Variants in MACROD2 observed in about 807,000 individuals in gnomAD.
MACROD2 encodes the protein mono-ADP ribosylhydrolase 2.
Under a neutral mutation model 70.4 loss-of-function variants are expected in MACROD2, and 36 were observed. The observed-to-expected ratio is 0.51, with a 90% CI of 0.39 to 0.68. The LOEUF (loss-of-function observed/expected upper bound fraction) is 0.68, where lower values mean the gene tolerates loss of function less well. MACROD2 is among the 30% of genes least tolerant of loss of function. The pLI is 0.00. For synonymous variants in MACROD2, 172 were observed against 178.8 expected (o/e 0.96, Z 0.30); for missense variants, 496 against 538.4 (o/e 0.92, Z 0.78).
intron 3 of MACROD2, among the ~76,000 whole-genome samples, chr20:14,199,852 G>C (rs913059957): frequency 6.6e-6 from 1 of 152,122 alleles, no homozygotes; most frequent in Admixed American, 6.5e-5. Flanking sequence ...ATACAGGGAA[G>C]GTAAGTGGAC....
chr20:15,705,249 A>G (rs2050516006), intron 8 of MACROD2, among the ~76,000 whole-genome samples: 1 of 152,190 alleles, frequency 6.6e-6, no homozygotes, highest in African/African-American at 2.4e-5. Flanking sequence ...TATCATGCCC[A>G]GGTAACATGT....
chr20:15,417,324 T>G (rs1433348514), intron 6 of MACROD2, among the ~76,000 whole-genome samples: 1 of 144,190 alleles, frequency 6.9e-6, no homozygotes, highest in Non-Finnish European at 1.5e-5. Flanking sequence ...GATATGGGGG[T>G]TCACGCTTGT....
At position 15,133,629 on chromosome 20, in the gene MACROD2, T is replaced by A. The variant is rs190909263; in HGVS notation, c.419-96311T>A. Among the ~76,000 whole-genome samples the A allele has an allele frequency of 2.0e-3, 310 of 152,224 alleles. 3 individuals carry two copies. Among genetic ancestry groups the A allele is most frequent in the Middle Eastern group, 6.8e-3 (2 of 292 alleles). On this transcript the variant is annotated intron_variant, in intron 5 of 17. Transcript: ENST00000684519. ...TATTTATCAGAAATTTTGGTCATAC[T>A]GTTTGACCAAAAATGTTTTCACTGA... is the stretch of plus-strand genomic sequence containing the variant.
At chr20:14,252,397 G>C (rs569308561) in intron 3 of MACROD2, among the ~76,000 whole-genome samples, 3 of 151,904 alleles carry the variant, frequency 2.0e-5, no homozygotes, top group Non-Finnish European at 4.4e-5. Flanking sequence ...AGGATTTGCT[G>C]CTATTCTTTT....
chr20:14,308,716 G>A (rs1295051677), intron 3 of MACROD2, among the ~76,000 whole-genome samples: 1 of 152,130 alleles, frequency 6.6e-6, no homozygotes, highest in Non-Finnish European at 1.5e-5. Context: ...TACAGTGTCT[G>A]TTCACAAAAT....
intron 5 of MACROD2, among the ~76,000 whole-genome samples, chr20:14,770,638 A>G (rs1418427924): frequency 6.6e-6 from 1 of 152,086 alleles, no homozygotes; most frequent in Non-Finnish European, 1.5e-5. Flanking sequence ...AGTTAAATGC[A>G]TTGCGTGCTG....
intron 3 of MACROD2, among the ~76,000 whole-genome samples, chr20:14,362,587 T>C (rs978873987): frequency 4.6e-5 from 7 of 152,210 alleles, no homozygotes; most frequent in Non-Finnish European, 1.0e-4. Context: ...TAGTATGGTT[T>C]AATTGCTCTA....
At chr20:14,632,312 T>A (rs1433200991) in intron 4 of MACROD2, among the ~76,000 whole-genome samples, 1 of 152,188 alleles carries the variant, frequency 6.6e-6, no homozygotes, top group Non-Finnish European at 1.5e-5. Context: ...TAGAAACATG[T>A]AAGGAAATAT....
chr20:14,672,837 T>G (rs561880574), intron 4 of MACROD2, among the ~76,000 whole-genome samples: 2 of 152,322 alleles, frequency 1.3e-5, no homozygotes, highest in East Asian at 3.9e-4. Flanking sequence ...TATGTGTATG[T>G]TTGCTTATAA....
chr20:14,443,957 A>G lies in MACROD2; in HGVS notation c.272-49522A>G, dbSNP rs1217484101. 3.3e-5 allele frequency among the ~76,000 whole-genome samples: 5 copies of G among 152,298 alleles called. No homozygotes were observed. The East Asian group carries it at 9.6e-4, about 29-fold the overall frequency. On this transcript the variant is annotated intron_variant, in intron 3 of 17. Transcript: ENST00000684519. The stretch of plus-strand genomic sequence containing the variant: ...TAAGTGGTTGCTACTATTGTGGCAT[A>G]AGTCTTTTATTTAGATAACAAAGCA...
chr20:15,666,523 AT>A (rs1001476991), intron 8 of MACROD2, among the ~76,000 whole-genome samples: 11 of 151,996 alleles, frequency 7.2e-5, no homozygotes, highest in East Asian at 3.9e-4. Flanking sequence ...AAATTTATGT[AT>A]TTTTTTTCTA....
At chr20:14,333,414 C>A (rs2082878908) in intron 3 of MACROD2, among the ~76,000 whole-genome samples, 1 of 152,140 alleles carries the variant, frequency 6.6e-6, no homozygotes. Flanking sequence ...ATAGTGAATG[C>A]TGCTTCCTTT....
At chr20:15,438,169 G>T (rs1227520323) in intron 7 of MACROD2, among the ~76,000 whole-genome samples, 1 of 151,836 alleles carries the variant, frequency 6.6e-6, no homozygotes. Context: ...AAAAAAGAAT[G>T]ATTTATATTC....
chr20:15,067,214 T>C (rs1280076631), intron 5 of MACROD2, among the ~76,000 whole-genome samples: 2 of 152,222 alleles, frequency 1.3e-5, no homozygotes, highest in Non-Finnish European at 2.9e-5. Flanking sequence ...TTAATAAGAT[T>C]ACACTATTTT....
intron 6 of MACROD2, among the ~76,000 whole-genome samples, chr20:15,311,378 G>C (rs2077750816): frequency 6.6e-6 from 1 of 152,088 alleles, no homozygotes; most frequent in Non-Finnish European, 1.5e-5. Flanking sequence ...ATTGCATGCT[G>C]GTATTCAAAT....
chr20:15,301,765 T>G (rs1400681193), intron 6 of MACROD2, among the ~76,000 whole-genome samples: 1 of 151,986 alleles, frequency 6.6e-6, no homozygotes, highest in African/African-American at 2.4e-5. Context: ...GATTTGTCTT[T>G]CAGAGATACT....
intron 10 of MACROD2, among the ~76,000 whole-genome samples, chr20:15,903,187 C>A (rs1450407962): frequency 2.0e-5 from 3 of 151,996 alleles, no homozygotes; most frequent in Admixed American, 6.6e-5. Flanking sequence ...GCTAAAAATA[C>A]AAATACTAGC....
chr20:14,397,393 G>C (rs1202579322), intron 3 of MACROD2, among the ~76,000 whole-genome samples: 1 of 152,050 alleles, frequency 6.6e-6, no homozygotes, highest in Non-Finnish European at 1.5e-5. Context: ...CTTTATAGTG[G>C]TTGCTTATAG....
intron 5 of MACROD2, among the ~76,000 whole-genome samples, chr20:14,839,355 A>G (rs1477789670): frequency 1.3e-5 from 2 of 152,120 alleles, no homozygotes; most frequent in Non-Finnish European, 2.9e-5. Context: ...AATTTGATTT[A>G]AGCTGAGTAC....
Sources: allele counts gnomAD v4.1 joint callset (sites outside exome capture counted in the v4.1 genomes callset), GRCh38; gene constraint gnomAD v4.1.1; transcripts MANE v1.5; gene names NCBI Gene and HGNC (gene_info 2026-07-23, HGNC 2026-07-21).